The following PRELID2 variants were observed in gnomAD, a reference collection of about 807,000 sequenced individuals.
The protein encoded by PRELID2 is PRELI domain-containing protein 2.
A neutral mutation model predicts 28.4 loss-of-function variants in PRELID2; 25 were observed. That is an observed-to-expected ratio of 0.88 (90% confidence interval 0.64 to 1.23). PRELID2 has a LOEUF of 1.23. Ranked by LOEUF, PRELID2 falls within the 50% of genes most tolerant of loss-of-function variation. PRELID2 has a pLI of 0.00. For missense variants in PRELID2, 201 were observed against 214.4 expected (o/e 0.94, Z 0.39); for synonymous variants, 76 against 71.6 (o/e 1.06, Z -0.31).
the PRELID2 span, among the ~76,000 whole-genome samples, chr5:145,352,287 T>C: frequency 6.6e-6 from 1 of 152,236 alleles, no homozygotes; most frequent in African/African-American, 2.4e-5. Flanking sequence ...ATACATCCTC[T>C]GAAATCTAGG....
intron 1 of PRELID2, among the ~76,000 whole-genome samples, chr5:145,473,484 C>A (rs925707560): frequency 6.6e-6 from 1 of 152,100 alleles, no homozygotes; most frequent in African/African-American, 2.4e-5. Flanking sequence ...TTAAGAGATG[C>A]TTACTGTTTT....
At chr5:145,466,738 T>C in the PRELID2 span, among the ~76,000 whole-genome samples, 2 of 152,174 alleles carry the variant, frequency 1.3e-5, no homozygotes, top group African/African-American at 4.8e-5. Flanking sequence ...GAAATGATAG[T>C]TTTCTGTCTA....
chr5:145,481,623 C>CGAAAAAAAAAAAAAAAAAAAAAAA (rs1752160143), intron 1 of PRELID2, among the ~76,000 whole-genome samples: 8 of 41,866 alleles, frequency 1.9e-4, no homozygotes, highest in African/African-American at 2.4e-4. Flanking sequence ...GCAAGGAAAT[C>CGAAAAAAAAAAAAAAAAAAAAAAA]AAAAAAAAAA....
chr5:145,571,172 A>T lies in PRELID2; in HGVS notation n.71-97857T>A, dbSNP rs563105597. 4.8e-4 allele frequency among the ~76,000 whole-genome samples: 73 copies of T among 152,324 alleles called. No individual in the cohort carries two copies. The South Asian group carries it at 0.015, about 31-fold the overall frequency. On this transcript the variant is annotated intron_variant and non_coding_transcript_variant, in intron 1 of 2. Transcript: ENST00000510259. Reference sequence around the variant, plus strand: ...CCCAGGTTCAAATTTCAGTTCTACCACCTATATCTGTATGGTGCTGGACAC... The same window carrying T: ...CCCAGGTTCAAATTTCAGTTCTACCTCCTATATCTGTATGGTGCTGGACAC...
the PRELID2 span, among the ~76,000 whole-genome samples, chr5:145,339,187 A>G: frequency 6.6e-6 from 1 of 152,232 alleles, no homozygotes; most frequent in Non-Finnish European, 1.5e-5. Context: ...ACATAGCTCA[A>G]TCAAAGTAGT....
chr5:145,573,515 C>G (rs1753032809), intron 1 of PRELID2, among the ~76,000 whole-genome samples: 1 of 152,086 alleles, frequency 6.6e-6, no homozygotes, highest in Admixed American at 6.6e-5. Context: ...GCCCGCACAA[C>G]AGGCCCCCAT....
chr5:145,305,321 A>T, the PRELID2 span, among the ~76,000 whole-genome samples: 1 of 152,224 alleles, frequency 6.6e-6, no homozygotes, highest in Admixed American at 6.5e-5. Flanking sequence ...TTCAGAAATC[A>T]GTAGTACCAA....
chr5:145,805,567 CT>C (rs1384615756), intron 4 of PRELID2, among the ~76,000 whole-genome samples: 1 of 152,220 alleles, frequency 6.6e-6, no homozygotes, highest in South Asian at 2.1e-4. Flanking sequence ...AACTCCGCCC[CT>C]GAATCTTGGG....
At chr5:145,725,747 T>A (rs1219076017) in intron 1 of PRELID2, among the ~76,000 whole-genome samples, 2 of 152,218 alleles carry the variant, frequency 1.3e-5, no homozygotes, top group Non-Finnish European at 2.9e-5. Context: ...CCATAGAGAC[T>A]GAGAAATGTG....
At chr5:145,710,230 T>C (rs987193407) in intron 1 of PRELID2, among the ~76,000 whole-genome samples, 2 of 152,182 alleles carry the variant, frequency 1.3e-5, no homozygotes, top group Non-Finnish European at 2.9e-5. Flanking sequence ...ATATGTTATA[T>C]ATATGATAAG....
chr5:145,702,810 C>T (rs1237314125), intron 1 of PRELID2, among the ~76,000 whole-genome samples: 1 of 152,148 alleles, frequency 6.6e-6, no homozygotes, highest in African/African-American at 2.4e-5. Flanking sequence ...CAGGGCACCC[C>T]TAATAAAACT....
intron 1 of PRELID2, among the ~76,000 whole-genome samples, chr5:145,562,163 G>A (rs1355191684): frequency 6.6e-6 from 1 of 152,186 alleles, no homozygotes; most frequent in East Asian, 1.9e-4. Flanking sequence ...GTGGCATTAA[G>A]TGAAAATCAG....
At chr5:145,630,344 A>G (rs537515349) in intron 1 of PRELID2, among the ~76,000 whole-genome samples, 20 of 148,350 alleles carry the variant, frequency 1.3e-4, no homozygotes, top group African/African-American at 5.3e-4. Context: ...GGTGACTGGA[A>G]AAAGTGGTAG....
At chr5:145,551,954 G>A (rs547078348) in intron 1 of PRELID2, among the ~76,000 whole-genome samples, 27 of 152,206 alleles carry the variant, frequency 1.8e-4, no homozygotes, top group South Asian at 1.0e-3. Context: ...TTCTCCTCCC[G>A]CCTTCTGTCT....
At chr5:145,717,678 T>G (rs951420602) in intron 1 of PRELID2, among the ~76,000 whole-genome samples, 1 of 150,810 alleles carries the variant, frequency 6.6e-6, no homozygotes, top group Non-Finnish European at 1.5e-5. Flanking sequence ...TAAATTAGAT[T>G]TAAAATAATT....
chr5:145,311,104 GT>G, the PRELID2 span, among the ~76,000 whole-genome samples: 1 of 152,176 alleles, frequency 6.6e-6, no homozygotes, highest in Non-Finnish European at 1.5e-5. Flanking sequence ...AATCTCAGTG[GT>G]TTGCAGAAAC....
At chr5:145,746,229 TAA>T (rs1362181782) in intron 1 of PRELID2, among the ~76,000 whole-genome samples, 2 of 152,018 alleles carry the variant, frequency 1.3e-5, no homozygotes, top group Non-Finnish European at 2.9e-5. Flanking sequence ...GCAAATTAGA[TAA>T]AGAGTCAAGA....
chr5:145,392,202 A>C, the PRELID2 span, among the ~76,000 whole-genome samples: 1 of 152,184 alleles, frequency 6.6e-6, no homozygotes, highest in African/African-American at 2.4e-5. Context: ...GTAATTTATA[A>C]AGAAAAAAGG....
Position 145,778,647 on chromosome 5 carries a change from G to A in PRELID2, c.475-13647C>T, listed in dbSNP as rs566521202. On this transcript the variant is annotated intron_variant, in intron 5 of 6. Transcript: ENST00000683046. ...GGCACCCATGCCAGCACCTAGAGCT[G>A]CCTGTCCCACGGCAGCAGCTGGTGT... 2.0e-5 allele frequency among the ~76,000 whole-genome samples: 3 copies of A among 152,340 alleles called. No homozygotes were observed. In the South Asian group the frequency reaches 6.2e-4, roughly 32 times the overall value.
Sources: gnomAD v4.1 joint callset for allele counts (sites outside exome capture counted in the v4.1 genomes callset) on GRCh38, gnomAD v4.1.1 for gene constraint, MANE v1.5 for transcripts, NCBI Gene and HGNC (gene_info 2026-07-23, HGNC 2026-07-21) for gene names.